PTCHD1: variants seen among roughly 807,000 people sequenced by gnomAD.
PTCHD1 encodes patched domain containing 1.
In PTCHD1, 3 loss-of-function variants were observed where a neutral mutation model predicts 34.6. The ratio of observed to expected loss-of-function variants is 0.09; its 90% CI spans 0.04 to 0.22. The LOEUF (loss-of-function observed/expected upper bound fraction) is 0.22, where lower values mean the gene tolerates loss of function less well. Ranked by LOEUF, PTCHD1 falls within the 10% of genes least tolerant of loss-of-function variation. PTCHD1 has a pLI of 1.00. For missense variants in PTCHD1, 504 were observed against 685.5 expected (o/e 0.74, Z 2.96); for synonymous variants, 305 against 283.1 (o/e 1.08, Z -0.77).
At chrX:23,361,420 T>C (rs940050222) in intron 1 of PTCHD1, among the ~76,000 whole-genome samples, 1 of 111,759 alleles carries the variant, frequency 8.9e-6, no homozygotes, top group African/African-American at 3.2e-5. Context: ...TCTTTGTCTC[T>C]TTTGATCTTT....
chrX:23,387,609 CACTCCCGGCCCA>C (rs1922716372), intron 2 of PTCHD1, among the ~76,000 whole-genome samples: 1 of 111,896 alleles, frequency 8.9e-6, no homozygotes, highest in East Asian at 2.8e-4. Context: ...TTTAAAATCA[CACTCCCGGCCCA>C]AATTTTGCCT....
rs775852833 is a variant in PTCHD1 at position 23,369,486 on chromosome X, C to T, written c.352-10105C>T. On this transcript the variant is annotated intron_variant, in intron 1 of 2. Coordinates refer to ENST00000379361, the MANE Select transcript of PTCHD1 (RefSeq NM_173495.3). ...AATTTTCTGAGCCCAGGATTTAAAT[C>T]TGGGCTGATCCACTTACTAAATTTG... Among the ~76,000 whole-genome samples the T allele has an allele frequency of 1.1e-4, 12 of 111,490 alleles. No homozygotes were observed. In the Admixed American group the frequency reaches 1.1e-3, roughly 11 times the overall value.
intron 1 of PTCHD1, among the ~76,000 whole-genome samples, chrX:23,373,997 T>C (rs1922337474): frequency 9.0e-6 from 1 of 110,895 alleles, no homozygotes; most frequent in Non-Finnish European, 1.9e-5. Context: ...TTTTTTAATG[T>C]ATGCAGCTTA....
At chrX:23,382,681 C>A (rs1922597193) in intron 2 of PTCHD1, among the ~76,000 whole-genome samples, 1 of 112,954 alleles carries the variant, frequency 8.9e-6, no homozygotes, top group Non-Finnish European at 1.9e-5. Flanking sequence ...GCCCAATAAG[C>A]CCTTGTTTGC....
intron 1 of PTCHD1, among the ~76,000 whole-genome samples, chrX:23,340,310 G>C (rs191476717): frequency 8.9e-6 from 1 of 111,874 alleles, no homozygotes; most frequent in South Asian, 3.8e-4. Flanking sequence ...CAGTGTAATC[G>C]TCCCCAAAAT....
intron 1 of PTCHD1, among the ~76,000 whole-genome samples, chrX:23,337,864 G>A (rs949087593): frequency 9.0e-6 from 1 of 110,905 alleles, no homozygotes; most frequent in Non-Finnish European, 1.9e-5. Context: ...AATGTTTTGG[G>A]ATTGTACCTG....
In PTCHD1 at chrX:23,393,852, C is replaced by T; in HGVS notation, c.2334C>T (p.Gly778=). 2.5e-6 allele frequency: 3 copies of T among 1,210,921 alleles called. No individual in the cohort carries two copies. The highest frequency in any genetic ancestry group is 3.4e-6 in the Non-Finnish European group (3 of 894,942). ...CAPMLSTFVL[G]KDFTRTKWVK... is the part of the protein sequence containing the mutation. ...CAATGTTATCCACATTTGTTCTGGG[C>T]AAGGATTTCACAAGAACTAAATGGG... Residue 778 remains glycine (G), a synonymous_variant, in exon 3 of 3, where the codon GGC becomes GGT. Coordinates refer to ENST00000379361, the MANE Select transcript of PTCHD1 (RefSeq NM_173495.3).
At chrX:23,378,912 A>T (rs759624831) in intron 1 of PTCHD1, among the ~76,000 whole-genome samples, 24 of 112,044 alleles carry the variant, frequency 2.1e-4, no homozygotes, top group South Asian at 7.5e-4. Flanking sequence ...CATGATTCCC[A>T]TATATCCCAG....
At chrX:23,335,465 T>C (rs965780953) in intron 1 of PTCHD1, among the ~76,000 whole-genome samples, 2 of 113,095 alleles carry the variant, frequency 1.8e-5, no homozygotes, top group African/African-American at 3.2e-5. Flanking sequence ...CCGCAGCTGC[T>C]GCAACAGTTG....
chrX:23,380,426 T>C, intron 2 of PTCHD1, 175 bp downstream of exon 2: 1 of 516,865 alleles, frequency 1.9e-6, no homozygotes. Flanking sequence ...AACAACCTAA[T>C]CTGGTAAATG....
rs773239075 is a variant in PTCHD1, at chrX:23,402,026, G to A, written c.*7841G>A. On this transcript the variant is annotated 3_prime_UTR_variant, in exon 3 of 3. Coordinates refer to ENST00000379361, the MANE Select transcript of PTCHD1 (RefSeq NM_173495.3). ...TTGTGGAAATTTATTTAGAATATTT[G>A]CTTGGTGATCCAGAGAAGGGGGAAA... The A allele has an allele frequency of 2.7e-5, 3 of 112,339 alleles. No homozygotes were observed. In the Admixed American group the frequency reaches 2.8e-4, roughly 11 times the overall value. The allele number at this position is 112,339 out of a possible 1,213,427, so 9.3% of individuals were successfully genotyped here.
intron 1 of PTCHD1, among the ~76,000 whole-genome samples, chrX:23,363,525 C>T (rs540300889): frequency 7.1e-5 from 8 of 112,846 alleles, no homozygotes; most frequent in Admixed American, 1.9e-4. Flanking sequence ...AGTATTTGGA[C>T]GGAAGTGTCC....
intron 1 of PTCHD1, among the ~76,000 whole-genome samples, chrX:23,371,349 G>C (rs905457889): frequency 8.9e-6 from 1 of 111,877 alleles, no homozygotes; most frequent in African/African-American, 3.3e-5. Context: ...TCATGAGGCA[G>C]GGAAGAAAAG....
rs1309796173 is a variant in PTCHD1, at chrX:23,401,756, T to C, written c.*7571T>C. 1 of 112,978 alleles carries C rather than the reference T, an allele frequency of 8.9e-6. No homozygotes were observed. The highest frequency in any genetic ancestry group is 1.9e-5 in the Non-Finnish European group (1 of 53,414). 9.3% of individuals were successfully genotyped at this position (112,978 alleles called of 1,213,427 possible). On this transcript the variant is annotated 3_prime_UTR_variant, in exon 3 of 3. Transcript: ENST00000379361. ...TGGCAGGCCAAAGGCTTCGGATGTC[T>C]GCAGGATACCATTGAAAAAATGTTA... is the stretch of plus-strand genomic sequence containing the variant.
intron 1 of PTCHD1, among the ~76,000 whole-genome samples, chrX:23,357,963 T>A (rs1921854509): frequency 9.0e-6 from 1 of 111,612 alleles, no homozygotes; most frequent in Non-Finnish European, 1.9e-5. Context: ...TCCAGCTTCA[T>A]CCATGTCCCT....
In PTCHD1 at chrX:23,380,084, T is replaced by C; in HGVS notation, c.845T>C (p.Met282Thr). 1 of 1,212,097 alleles carries C rather than the reference T, an allele frequency of 8.3e-7. No homozygotes were observed. The highest frequency in any genetic ancestry group is 1.1e-6 in the Non-Finnish European group (1 of 895,539). ...LVTSLILVVTMAILCCSMQDC... is the reference protein window; with the variant it reads ...LVTSLILVVTTAILCCSMQDC... Reference sequence around the variant, plus strand: ...ACCAGCCTGATTCTGGTGGTTACCATGGCCATCCTGTGTTGCTCTATGCAG... The same window carrying C: ...ACCAGCCTGATTCTGGTGGTTACCACGGCCATCCTGTGTTGCTCTATGCAG... Residue 282 changes from methionine to threonine, a missense_variant, in exon 2 of 3, where the codon ATG becomes ACG. Transcript: ENST00000379361.
chrX:23,353,123 G>A (rs758311712), intron 1 of PTCHD1, among the ~76,000 whole-genome samples: 1 of 112,549 alleles, frequency 8.9e-6, no homozygotes, highest in South Asian at 3.7e-4. Flanking sequence ...AAGAATGCAT[G>A]TAAAAACTGG....
In PTCHD1 at chrX:23,400,946, C is replaced by G. The variant is rs1324469365; in HGVS notation, c.*6761C>G. 2 of 110,665 alleles carry G rather than the reference C, an allele frequency of 1.8e-5. No homozygotes were observed. Among genetic ancestry groups the G allele is most frequent in the African/African-American group, 6.6e-5 (2 of 30,183 alleles). The allele number at this position is 110,665 out of a possible 1,213,427, so 9.1% of individuals were successfully genotyped here. On this transcript the variant is annotated 3_prime_UTR_variant, in exon 3 of 3. Transcript: ENST00000379361. Reference sequence around the variant, plus strand: ...TCTCAGCTCACTGCAAGCTCCACCTCCCAGGTTCACGACATTCTCCTGCCT... The same window carrying G: ...TCTCAGCTCACTGCAAGCTCCACCTGCCAGGTTCACGACATTCTCCTGCCT...
intron 1 of PTCHD1, chrX:23,351,166 G>C: frequency 1.5e-6 from 1 of 656,678 alleles, no homozygotes; most frequent in African/African-American, 2.2e-5. Flanking sequence ...CATGAATACT[G>C]TCCAAACTCC....
Sources: gnomAD v4.1 joint callset for allele counts (sites outside exome capture counted in the v4.1 genomes callset) on GRCh38, gnomAD v4.1.1 for gene constraint, MANE v1.5 for transcripts, NCBI Gene and HGNC (gene_info 2026-07-23, HGNC 2026-07-21) for gene names.